The following RAB4B variants were observed in gnomAD, a reference collection of about 807,000 sequenced individuals.
The protein encoded by RAB4B is RAB4B, member RAS oncogene family.
In RAB4B, 15 loss-of-function variants were observed where a neutral mutation model predicts 28.3. The ratio of observed to expected loss-of-function variants is 0.53; its 90% confidence interval spans 0.35 to 0.82. RAB4B has a LOEUF of 0.82. RAB4B is among the 40% of genes least tolerant of loss of function. The pLI is 0.01. For missense variants in RAB4B, 244 were observed against 288.5 expected (o/e 0.85, Z 1.12); for synonymous variants, 108 against 116.3 (o/e 0.93, Z 0.46).
At chr19:40,793,989 A>G (rs1205017630) in intron 7 of RAB4B, among the ~76,000 whole-genome samples, 3 of 151,892 alleles carry the variant, frequency 2.0e-5, no homozygotes, top group East Asian at 2.0e-4. Context: ...GCCTCAAGCA[A>G]TCCTCCACCT....
In RAB4B at chr19:40,780,439, A is replaced by G. The variant is rs773805522; in HGVS notation, c.152A>G (p.Asn51Ser). The G allele has an allele frequency of 3.7e-6, 6 of 1,613,620 alleles. No individual in the cohort carries two copies. Among genetic ancestry groups the G allele is most frequent in the East Asian group, 2.2e-5 (1 of 44,866 alleles). ...IGVEFGSRVV[N>S]VGGKTVKLQI... ...GTGGAGTTTGGATCCCGGGTGGTCA[A>G]CGTGGGTGGGAAGACTGTGAAGCTA... is the stretch of plus-strand genomic sequence containing the variant. The change falls in exon 3 of 8, where the codon AAC becomes AGC. Residue 51 changes from asparagine to serine, a missense_variant. Transcript: ENST00000357052.
intron 7 of RAB4B, among the ~76,000 whole-genome samples, chr19:40,791,326 C>T (rs1258745099): frequency 6.6e-6 from 1 of 152,160 alleles, no homozygotes; most frequent in Non-Finnish European, 1.5e-5. Context: ...CTGGGTCTTT[C>T]TAACACACAT....
chr19:40,794,867 G>C (rs1169313123), intron 7 of RAB4B: 1 of 151,650 alleles, frequency 6.6e-6, no homozygotes. Context: ...GTGCCAGGCT[G>C]GGCATGGTGG....
intron 5 of RAB4B, chr19:40,786,378 G>T: frequency 2.5e-6 from 1 of 406,742 alleles, no homozygotes; most frequent in Admixed American, 3.6e-5. Flanking sequence ...GCCAGGATAG[G>T]GGGCCACAAG....
At chr19:40,779,904 G>C (rs900041373) in intron 1 of RAB4B, 115 bp from the exon 2 acceptor site, 4 of 1,586,248 alleles carry the variant, frequency 2.5e-6, no homozygotes, top group Admixed American at 3.6e-5. Flanking sequence ...GCCTATGTCT[G>C]TTTCTCTCCC....
At chr19:40,779,012 C>G (rs1289949136) in intron 1 of RAB4B, 2 of 985,528 alleles carry the variant, frequency 2.0e-6, no homozygotes, top group Non-Finnish European at 2.4e-6. Flanking sequence ...CGCATTCACT[C>G]AACAAATATA....
intron 5 of RAB4B, 153 bp from the exon 6 acceptor site, chr19:40,786,512 C>A: frequency 8.7e-7 from 1 of 1,153,200 alleles, no homozygotes. Context: ...GGGAAGCGGA[C>A]ATTAGTGGCA....
chr19:40,778,440 A>G, intron 1 of RAB4B, 49 bp downstream of exon 1: 1 of 1,406,394 alleles, frequency 7.1e-7, no homozygotes, highest in Non-Finnish European at 9.3e-7. Context: ...CCCAGGGAGG[A>G]TGCGGCCTGT....
intron 7 of RAB4B, among the ~76,000 whole-genome samples, chr19:40,788,793 T>C (rs1291152913): frequency 5.5e-5 from 8 of 144,176 alleles, no homozygotes; most frequent in Non-Finnish European, 7.6e-5. Context: ...TCTTTTTTTT[T>C]TTTTTTTTTT....
intron 7 of RAB4B, among the ~76,000 whole-genome samples, chr19:40,793,572 G>GTTTTTTTTTTTTTTTTTT (rs373163247): frequency 8.0e-6 from 1 of 125,414 alleles, no homozygotes; most frequent in African/African-American, 3.2e-5. Flanking sequence ...TTTCTTTTTT[G>GTTTTTTTTTTTTTTTTTT]TTTTTTTTTT....
chr19:40,790,916 T>C (rs1599749026), intron 7 of RAB4B, among the ~76,000 whole-genome samples: 1 of 147,108 alleles, frequency 6.8e-6, no homozygotes, highest in South Asian at 2.2e-4. Flanking sequence ...AGTGCAGTGG[T>C]GCAGTCTCGG....
chr19:40,784,004 G>A lies in RAB4B; in HGVS notation c.359G>A (p.Gly120Asp). The change falls in exon 5 of 8, where the codon GGC (glycine) becomes GAC (aspartate). Residue 120 changes from glycine to aspartate, a missense_variant. Coordinates refer to ENST00000357052, the MANE Select transcript of RAB4B (RefSeq NM_016154.5). ...ASPNIVVILC[G>D]NKKDLDPERE... ...CCCAACATCGTGGTCATCCTCTGTG[G>A]CAACAAGAAGGACCTGGACCCTGAG... 6.2e-7 allele frequency: 1 copy of A among 1,614,186 alleles called. No individual in the cohort carries two copies.
chr19:40,780,058 C>G lies in RAB4B; in HGVS notation c.56C>G (p.Thr19Ser), dbSNP rs1288599356. ...TTCCTGGTGATTGGCAGTGCAGGAACTGGCAAATCATGTCTCCTTCATCAG... is the reference window on the plus strand; with the variant it reads ...TTCCTGGTGATTGGCAGTGCAGGAAGTGGCAAATCATGTCTCCTTCATCAG... ...FKFLVIGSAGTGKSCLLHQFI... is the reference protein window; with the variant it reads ...FKFLVIGSAGSGKSCLLHQFI... Residue 19 changes from threonine (T) to serine (S), a missense_variant, in exon 2 of 8, where the codon ACT (threonine) becomes AGT (serine). By Grantham distance (58) the Thr-to-Ser change is moderately conservative. Transcript: ENST00000357052. 2 of 1,611,578 alleles carry G rather than the reference C, an allele frequency of 1.2e-6. No individual in the cohort carries two copies. The highest frequency in any genetic ancestry group is 1.7e-6 in the Non-Finnish European group (2 of 1,177,654).
In RAB4B at chr19:40,786,929, C is replaced by T; in HGVS notation, c.608C>T (p.Ala203Val). 6.2e-7 allele frequency: 1 copy of T among 1,614,008 alleles called. No homozygotes were observed. Among genetic ancestry groups the T allele is most frequent in the South Asian group, 1.1e-5 (1 of 91,078 alleles). ...SLRQLRQPRSAQAVAPQPCGC is the reference protein window; with the variant it reads ...SLRQLRQPRSVQAVAPQPCGC ...CGCCAGCTTCGGCAGCCTCGGAGTG[C>T]CCAGGCCGTGGCCCCTCAGCCGTGT... The change falls in exon 7 of 8, where the codon GCC becomes GTC. Residue 203 changes from alanine to valine, a missense_variant. Coordinates refer to ENST00000357052, the MANE Select transcript of RAB4B (RefSeq NM_016154.5).
At chr19:40,795,622 C>G (rs2083202662) in intron 7 of RAB4B, among the ~76,000 whole-genome samples, 1 of 151,698 alleles carries the variant, frequency 6.6e-6, no homozygotes, top group African/African-American at 2.4e-5. Context: ...GGTCTGAACT[C>G]CTGACCTTGT....
chr19:40,778,342 C>G lies in RAB4B; in HGVS notation c.-34C>G. 3 of 1,494,584 alleles carry G rather than the reference C, an allele frequency of 2.0e-6. No homozygotes were observed. The highest frequency in any genetic ancestry group is 1.8e-6 in the Non-Finnish European group (2 of 1,129,038). The allele number at this position is 1,494,584 out of a possible 1,614,324, so 92.6% of individuals were successfully genotyped here. On this transcript the variant is annotated 5_prime_UTR_variant, in exon 1 of 8. Transcript: ENST00000357052. ...CCGAGGAGCAGGCGCGGCCGCGGCG[C>G]CATATTGCGGCCCTCAGCGGCCGCG... is the stretch of plus-strand genomic sequence containing the variant.
chr19:40,787,026 G>A, intron 7 of RAB4B, 48 bp downstream of exon 7: 3 of 1,477,282 alleles, frequency 2.0e-6, no homozygotes, highest in South Asian at 1.2e-5. Context: ...CTTGGGCATG[G>A]GGGAGATGGT....
chr19:40,784,699 G>T lies in RAB4B; in HGVS notation c.430+624G>T, dbSNP rs531572425. Among the ~76,000 whole-genome samples the T allele has an allele frequency of 8.5e-5, 13 of 152,204 alleles. No homozygotes were observed. In the South Asian group the frequency reaches 1.9e-3, roughly 22 times the overall value. On this transcript the variant is annotated intron_variant, in intron 5 of 7. Transcript: ENST00000357052. ...TGCTAGATTAATGTTGGCCGCTAAG[G>T]TTTCGCCTACCGTCAGGAGGCCGCA...
At chr19:40,792,198 T>G (rs1008361793) in intron 7 of RAB4B, 10 of 152,262 alleles carry the variant, frequency 6.6e-5, no homozygotes, top group African/African-American at 2.4e-4. Context: ...CTTCAGACAG[T>G]GCTCTCTTGT....
Sources: gnomAD v4.1 joint callset for allele counts (sites outside exome capture counted in the v4.1 genomes callset) on GRCh38, gnomAD v4.1.1 for gene constraint, MANE v1.5 for transcripts, NCBI Gene and HGNC (gene_info 2026-07-23, HGNC 2026-07-21) for gene names.